Variants in RALYL observed in about 807,000 individuals in gnomAD.
The protein encoded by RALYL is RALY RNA binding protein like.
In RALYL, 29 loss-of-function variants were observed where a neutral mutation model predicts 35.1. That is an observed-to-expected ratio of 0.83 (90% CI 0.61 to 1.13). The LOEUF (loss-of-function observed/expected upper bound fraction) is 1.13, where lower values mean the gene tolerates loss of function less well. Among genes scored for constraint, RALYL ranks in the 50% most tolerant of loss-of-function variants. RALYL has a pLI of 0.00. For missense variants in RALYL, 359 were observed against 360.4 expected, an observed-to-expected ratio of 1.00 and a Z score of 0.03; for synonymous variants, 120 against 127.6, an observed-to-expected ratio of 0.94 and a Z score of 0.40.
chr8:84,884,410 T>TA (rs1308893626), intron 7 of RALYL, among the ~76,000 whole-genome samples: 1 of 152,044 alleles, frequency 6.6e-6, no homozygotes, highest in Non-Finnish European at 1.5e-5. Context: ...TATGCATGTT[T>TA]AAAGTGTGGT....
intron 2 of RALYL, among the ~76,000 whole-genome samples, chr8:84,698,716 T>C (rs1000611910): frequency 2.0e-5 from 3 of 152,124 alleles, no homozygotes; most frequent in Non-Finnish European, 4.4e-5. Context: ...AAGACAGACG[T>C]TGACTAAGAT....
chr8:84,407,623 C>T (rs1346241842), intron 1 of RALYL, among the ~76,000 whole-genome samples: 1 of 151,932 alleles, frequency 6.6e-6, no homozygotes, highest in Admixed American at 6.6e-5. Flanking sequence ...AATATATTTA[C>T]CTATATTCTG....
At chr8:84,737,368 C>T (rs1223130711) in intron 2 of RALYL, among the ~76,000 whole-genome samples, 1 of 151,930 alleles carries the variant, frequency 6.6e-6, no homozygotes, top group African/African-American at 2.4e-5. Flanking sequence ...TGATATTACC[C>T]TATGTACTAC....
chr8:84,541,145 T>C (rs1423956379), intron 2 of RALYL, among the ~76,000 whole-genome samples: 1 of 151,746 alleles, frequency 6.6e-6, no homozygotes, highest in Non-Finnish European at 1.5e-5. Flanking sequence ...CTACACTTTG[T>C]GGGTTTAATT....
intron 1 of RALYL, among the ~76,000 whole-genome samples, chr8:84,333,339 C>A (rs1157374105): frequency 2.6e-5 from 4 of 152,066 alleles, no homozygotes; most frequent in Non-Finnish European, 5.9e-5. Flanking sequence ...TAGTGATCTG[C>A]TTGCAAATAA....
chr8:84,661,248 G>A (rs1413157297), intron 2 of RALYL, among the ~76,000 whole-genome samples: 3 of 152,040 alleles, frequency 2.0e-5, no homozygotes, highest in African/African-American at 7.2e-5. Flanking sequence ...TTAATATATA[G>A]AGGGACCATA....
Position 84,849,971 on chromosome 8 carries a change from C to A in RALYL, c.366-9C>A. On this transcript the variant is annotated splice_polypyrimidine_tract_variant and intron_variant, in intron 4 of 8. Coordinates refer to ENST00000521268, the MANE Select transcript of RALYL (RefSeq NM_173848.7). ...AAATGCCAACTAATTTTTTTGTTTC[C>A]CTCTTTAGCGGTTATGTCTTTGACT... is the stretch of plus-strand genomic sequence containing the variant. 6.9e-7 allele frequency: 1 copy of A among 1,450,350 alleles called. No homozygotes were observed. Among genetic ancestry groups the A allele is most frequent in the Non-Finnish European group, 9.2e-7 (1 of 1,089,086 alleles). 89.8% of individuals were successfully genotyped at this position (1,450,350 alleles called of 1,614,324 possible).
intron 1 of RALYL, among the ~76,000 whole-genome samples, chr8:84,234,393 G>A (rs1177863727): frequency 6.6e-6 from 1 of 152,144 alleles, no homozygotes; most frequent in Non-Finnish European, 1.5e-5. Context: ...ATCTTCAACA[G>A]AAATAACATA....
At chr8:84,335,858 G>A (rs1847714004) in intron 1 of RALYL, among the ~76,000 whole-genome samples, 1 of 151,974 alleles carries the variant, frequency 6.6e-6, no homozygotes, top group Non-Finnish European at 1.5e-5. Flanking sequence ...AACTGAGACA[G>A]AGGCCCTTGA....
At chr8:84,776,224 G>T (rs1449474742) in intron 3 of RALYL, among the ~76,000 whole-genome samples, 1 of 152,086 alleles carries the variant, frequency 6.6e-6, no homozygotes, top group Non-Finnish European at 1.5e-5. Flanking sequence ...GCCACTTATA[G>T]CCTCATTTTT....
intron 3 of RALYL, among the ~76,000 whole-genome samples, chr8:84,780,466 G>C (rs1817886193): frequency 6.6e-6 from 1 of 152,174 alleles, no homozygotes; most frequent in Admixed American, 6.5e-5. Flanking sequence ...CCATACATCT[G>C]GGTAATTGAG....
At chr8:84,783,918 G>A (rs1818771140) in intron 3 of RALYL, among the ~76,000 whole-genome samples, 1 of 152,172 alleles carries the variant, frequency 6.6e-6, no homozygotes, top group Non-Finnish European at 1.5e-5. Flanking sequence ...CAACCAGCCA[G>A]GAAGTCTAAA....
intron 2 of RALYL, among the ~76,000 whole-genome samples, chr8:84,615,017 T>C (rs923209812): frequency 1.3e-5 from 2 of 151,734 alleles, no homozygotes; most frequent in South Asian, 4.1e-4. Flanking sequence ...AAACCACTTA[T>C]TTCCTTATGT....
intron 1 of RALYL, among the ~76,000 whole-genome samples, chr8:84,230,529 C>A (rs898351055): frequency 1.3e-5 from 2 of 152,104 alleles, no homozygotes; most frequent in African/African-American, 2.4e-5. Flanking sequence ...TATTTATTTA[C>A]ATTAGTTAAA....
intron 8 of RALYL, among the ~76,000 whole-genome samples, chr8:84,913,457 A>AT (rs1467854390): frequency 1.3e-5 from 2 of 152,092 alleles, no homozygotes; most frequent in Non-Finnish European, 1.5e-5. Context: ...TGTTTTATTT[A>AT]TCTTGATCTA....
intron 2 of RALYL, among the ~76,000 whole-genome samples, chr8:84,597,156 A>G (rs1178297878): frequency 6.6e-6 from 1 of 152,150 alleles, no homozygotes; most frequent in Admixed American, 6.5e-5. Context: ...GAACAGGCAG[A>G]AGTTTTTCTA....
chr8:84,235,173 C>T (rs1300594180), intron 1 of RALYL, among the ~76,000 whole-genome samples: 1 of 152,112 alleles, frequency 6.6e-6, no homozygotes, highest in African/African-American at 2.4e-5. Flanking sequence ...TTGCATTCTT[C>T]AGAGTTTCTT....
intron 2 of RALYL, among the ~76,000 whole-genome samples, chr8:84,710,880 G>A (rs1445852048): frequency 6.6e-6 from 1 of 152,090 alleles, no homozygotes; most frequent in African/African-American, 2.4e-5. Context: ...ACATTTTATT[G>A]AAGATAAGAT....
At chr8:84,410,255 A>G (rs2043965923) in intron 1 of RALYL, among the ~76,000 whole-genome samples, 1 of 151,952 alleles carries the variant, frequency 6.6e-6, no homozygotes, top group South Asian at 2.1e-4. Context: ...TCTGTACTCT[A>G]GAACCGGATT....
Sources: gnomAD v4.1 joint callset for allele counts (sites outside exome capture counted in the v4.1 genomes callset) on GRCh38, gnomAD v4.1.1 for gene constraint, MANE v1.5 for transcripts, NCBI Gene and HGNC (gene_info 2026-07-23, HGNC 2026-07-21) for gene names.